Variants in OR2L13 observed in about 807,000 individuals in gnomAD.
The protein encoded by OR2L13 is olfactory receptor family 2 subfamily L member 13.
A neutral mutation model predicts 15.3 loss-of-function variants in OR2L13; 14 were observed. That is an observed-to-expected ratio of 0.91 (90% CI 0.60 to 1.43). The LOEUF (loss-of-function observed/expected upper bound fraction) is 1.43, where lower values mean the gene tolerates loss of function less well. OR2L13 is among the 40% of genes most tolerant of loss of function. OR2L13 has a pLI of 0.00. For synonymous variants in OR2L13, 152 were observed against 142.9 expected, an observed-to-expected ratio of 1.06 and a Z score of -0.45; for missense variants, 367 against 387.9, an observed-to-expected ratio of 0.95 and a Z score of 0.45.
At chr1:248,024,289 G>C in the OR2L13 span, 1 of 151,822 alleles carries the variant, frequency 6.6e-6, no homozygotes, top group African/African-American at 2.4e-5. Context: ...AAACACTGTA[G>C]GTTTTAATAT....
chr1:247,965,615 A>G, the OR2L13 span: 1 of 1,560,218 alleles, frequency 6.4e-7, no homozygotes, highest in Non-Finnish European at 8.7e-7. Flanking sequence ...ACAGTGCCCA[A>G]GATGGCAGTC....
chr1:247,965,463 C>T, the OR2L13 span: 6 of 1,613,730 alleles, frequency 3.7e-6, no homozygotes, highest in South Asian at 2.2e-5. Flanking sequence ...TTCTCTTTGT[C>T]GTCATTGCCA....
At chr1:248,075,921 C>T in the OR2L13 span, among the ~76,000 whole-genome samples, 12 of 152,248 alleles carry the variant, frequency 7.9e-5, no homozygotes, top group East Asian at 1.7e-3. Flanking sequence ...GACGCCCTTG[C>T]CCTTGCCTAT....
the OR2L13 span, among the ~76,000 whole-genome samples, chr1:248,052,703 C>G: frequency 6.6e-6 from 1 of 151,938 alleles, no homozygotes; most frequent in East Asian, 1.9e-4. Flanking sequence ...TGCACTCCAG[C>G]CTGGGCGACA....
the OR2L13 span, among the ~76,000 whole-genome samples, chr1:247,944,034 G>A: frequency 2.6e-5 from 4 of 152,032 alleles, no homozygotes; most frequent in Non-Finnish European, 5.9e-5. Context: ...CCTCTGTTGG[G>A]CTATATGTCT....
chr1:247,963,098 A>G, the OR2L13 span, among the ~76,000 whole-genome samples: 238 of 152,292 alleles, frequency 1.6e-3, 3 homozygotes, highest in Middle Eastern at 0.024. Context: ...AGTGAAAGCA[A>G]GTTTATTGAA....
At chr1:248,017,292 C>T in the OR2L13 span, among the ~76,000 whole-genome samples, 1 of 152,142 alleles carries the variant, frequency 6.6e-6, no homozygotes, top group Admixed American at 6.5e-5. Flanking sequence ...AAAAAATGTC[C>T]TCTTCACATT....
the OR2L13 span, chr1:248,003,222 T>G: frequency 7.8e-6 from 12 of 1,531,244 alleles, no homozygotes; most frequent in Admixed American, 1.3e-4. Flanking sequence ...ATCCTCATTG[T>G]TTTCATTTTC....
At chr1:248,067,906 C>A in the OR2L13 span, among the ~76,000 whole-genome samples, 10 of 152,238 alleles carry the variant, frequency 6.6e-5, no homozygotes. Context: ...GCACAGCAGT[C>A]TGAGATCAAA....
At chr1:248,045,026 A>G in the OR2L13 span, among the ~76,000 whole-genome samples, 1 of 152,068 alleles carries the variant, frequency 6.6e-6, no homozygotes, top group African/African-American at 2.4e-5. Context: ...GTCTCCCCAT[A>G]GGTGGAATTA....
At chr1:247,973,989 A>G in the OR2L13 span, among the ~76,000 whole-genome samples, 1 of 152,174 alleles carries the variant, frequency 6.6e-6, no homozygotes, top group Non-Finnish European at 1.5e-5. Context: ...GTATGTTTAT[A>G]GCAGCACTAT....
chr1:247,990,280 A>G, the OR2L13 span: 2 of 972,696 alleles, frequency 2.1e-6, no homozygotes, highest in East Asian at 4.8e-5. Flanking sequence ...GAAAATTACA[A>G]TCAAACATCA....
In OR2L13 at chr1:248,100,058, A is replaced by G. The variant is rs374932493; in HGVS notation, c.683A>G (p.His228Arg). Residue 228 changes from histidine (H) to arginine (R), a missense_variant, in exon 3 of 3, where the codon CAC becomes CGC. Transcript: ENST00000641714. ...GTCCTATTTGCTGTCTATCATATGC[A>G]CTCAAAGGAGGGGAGAAAAAAGGCC... 3 of 1,613,906 alleles carry G rather than the reference A, an allele frequency of 1.9e-6. No individual in the cohort carries two copies. In the African/African-American group the frequency reaches 4.0e-5, roughly 22 times the overall value.
chr1:248,071,325 T>C, the OR2L13 span, among the ~76,000 whole-genome samples: 22,349 of 151,314 alleles, frequency 0.15, 3,091 homozygotes, highest in African/African-American at 0.38. Flanking sequence ...CTTCAATATA[T>C]GCAAATCAAT....
the OR2L13 span, chr1:248,084,718 A>G: frequency 7.0e-7 from 1 of 1,423,084 alleles, no homozygotes; most frequent in Non-Finnish European, 9.5e-7. Flanking sequence ...CATGGTTTGA[A>G]TATTTTAGAC....
At chr1:248,078,908 T>C in the OR2L13 span, among the ~76,000 whole-genome samples, 1 of 152,210 alleles carries the variant, frequency 6.6e-6, no homozygotes, top group East Asian at 1.9e-4. Flanking sequence ...TATATCTATA[T>C]CTGTATCTAT....
the OR2L13 span, among the ~76,000 whole-genome samples, chr1:248,048,634 G>C: frequency 6.6e-6 from 1 of 152,132 alleles, no homozygotes; most frequent in African/African-American, 2.4e-5. Context: ...TGGAGTCAAT[G>C]AGTTCTCAGC....
At chr1:248,016,817 A>T in the OR2L13 span, among the ~76,000 whole-genome samples, 1 of 152,048 alleles carries the variant, frequency 6.6e-6, no homozygotes, top group Admixed American at 6.6e-5. Context: ...AAATATAGGC[A>T]TATGTGTGTT....
chr1:247,978,408 C>T, the OR2L13 span, among the ~76,000 whole-genome samples: 1 of 152,164 alleles, frequency 6.6e-6, no homozygotes, highest in Non-Finnish European at 1.5e-5. Context: ...CCACCGTGCC[C>T]TGCTCTTTAA....
Sources: allele counts gnomAD v4.1 joint callset (sites outside exome capture counted in the v4.1 genomes callset), GRCh38; gene constraint gnomAD v4.1.1; transcripts MANE v1.5; gene names NCBI Gene and HGNC (gene_info 2026-07-23, HGNC 2026-07-21).